Variants in CENPW observed in about 807,000 individuals in gnomAD.
The protein encoded by CENPW is cancer-up-regulated gene 2 protein.
In CENPW, 3 loss-of-function variants were observed where a neutral mutation model predicts 11.1. The observed-to-expected ratio is 0.27, with a 90% CI of 0.12 to 0.70. The LOEUF is 0.70. Among genes scored for constraint, CENPW ranks in the 30% least tolerant of loss-of-function variants. The probability of loss-of-function intolerance (pLI) is 0.77; values close to 1 mark genes in which losing one functional copy is unlikely to be tolerated. For missense variants in CENPW, 100 were observed against 105.6 expected, an observed-to-expected ratio of 0.95 and a Z score of 0.23; for synonymous variants, 38 against 42.0, an observed-to-expected ratio of 0.91 and a Z score of 0.37.
At chr6:126,470,678 C>T in the CENPW span, among the ~76,000 whole-genome samples, 5 of 152,322 alleles carry the variant, frequency 3.3e-5, no homozygotes, top group African/African-American at 4.8e-5. Context: ...AAAGCAGCCA[C>T]GGGGGCTGTG....
chr6:126,417,587 A>G, the CENPW span, among the ~76,000 whole-genome samples: 1 of 152,174 alleles, frequency 6.6e-6, no homozygotes, highest in Non-Finnish European at 1.5e-5. Context: ...TTCTTATGAT[A>G]GTGAATAAGT....
chr6:126,341,784 C>G (rs1178005756), intron 1 of CENPW, among the ~76,000 whole-genome samples: 1 of 152,148 alleles, frequency 6.6e-6, no homozygotes, highest in Non-Finnish European at 1.5e-5. Context: ...TCAAAGATAT[C>G]CAAGAGACCA....
chr6:126,389,002 A>G, the CENPW span, among the ~76,000 whole-genome samples: 1 of 151,964 alleles, frequency 6.6e-6, no homozygotes, highest in South Asian at 2.1e-4. Flanking sequence ...GAGGATAAGT[A>G]GTCAATGAAA....
At chr6:126,356,896 G>A in the CENPW span, among the ~76,000 whole-genome samples, 1 of 152,100 alleles carries the variant, frequency 6.6e-6, no homozygotes, top group South Asian at 2.1e-4. Context: ...TAGGTTGTCT[G>A]TTTACTCTGT....
At chr6:126,403,455 G>A in the CENPW span, among the ~76,000 whole-genome samples, 1 of 152,076 alleles carries the variant, frequency 6.6e-6, no homozygotes, top group Admixed American at 6.6e-5. Flanking sequence ...TTGCTGATAT[G>A]CAGAAAATTT....
chr6:126,443,730 A>G, the CENPW span, among the ~76,000 whole-genome samples: 1 of 151,106 alleles, frequency 6.6e-6, no homozygotes, highest in Admixed American at 6.6e-5. Context: ...TGCATTTATT[A>G]TTTAATCTTG....
chr6:126,459,205 G>A, the CENPW span, among the ~76,000 whole-genome samples: 2 of 151,006 alleles, frequency 1.3e-5, no homozygotes, highest in Non-Finnish European at 3.0e-5. Context: ...TCTCCATTCC[G>A]ATTTTTGATC....
At chr6:126,353,894 A>G in the CENPW span, among the ~76,000 whole-genome samples, 1 of 151,962 alleles carries the variant, frequency 6.6e-6, no homozygotes, top group Non-Finnish European at 1.5e-5. Context: ...ATTTCAGATC[A>G]TGTGTATGTG....
the CENPW span, among the ~76,000 whole-genome samples, chr6:126,424,150 C>G: frequency 1.3e-5 from 2 of 152,110 alleles, no homozygotes; most frequent in Non-Finnish European, 2.9e-5. Flanking sequence ...CTCAAAAACA[C>G]TGACTAAATA....
At chr6:126,344,324 A>G (rs970890698) in intron 1 of CENPW, among the ~76,000 whole-genome samples, 1 of 152,220 alleles carries the variant, frequency 6.6e-6, no homozygotes, top group Non-Finnish European at 1.5e-5. Context: ...TAGGATGCCT[A>G]GAGGCAAGGT....
the CENPW span, among the ~76,000 whole-genome samples, chr6:126,465,167 A>G: frequency 6.6e-6 from 1 of 152,118 alleles, no homozygotes; most frequent in Non-Finnish European, 1.5e-5. Flanking sequence ...ATAAGACACA[A>G]AGTCAATATA....
At chr6:126,364,679 CTG>C in the CENPW span, among the ~76,000 whole-genome samples, 1 of 152,078 alleles carries the variant, frequency 6.6e-6, no homozygotes. Flanking sequence ...AGAAACAACT[CTG>C]TTGTGAATGA....
rs144210209 is a variant in CENPW, at chr6:126,345,934, G to A, written c.127-271G>A. 8.0e-3 allele frequency among the ~76,000 whole-genome samples: 1,211 copies of A among 152,174 alleles called. 8 individuals are homozygous for A. Among genetic ancestry groups the A allele is most frequent in the Non-Finnish European group, 0.014 (947 of 67,996 alleles). On this transcript the variant is annotated intron_variant, in intron 1 of 2. Transcript: ENST00000368328. ...TTGTTACTAAGCGAATCTTACATACGTTTTGATATGTAATGATGCTTTACA... is the reference window on the plus strand; with the variant it reads ...TTGTTACTAAGCGAATCTTACATACATTTTGATATGTAATGATGCTTTACA...
the CENPW span, among the ~76,000 whole-genome samples, chr6:126,408,711 G>T: frequency 2.0e-4 from 31 of 152,150 alleles, no homozygotes; most frequent in African/African-American, 7.5e-4. Context: ...ATATTGTTAG[G>T]TTGTATACGT....
chr6:126,471,254 C>A, the CENPW span, among the ~76,000 whole-genome samples: 1 of 152,050 alleles, frequency 6.6e-6, no homozygotes, highest in South Asian at 2.1e-4. Flanking sequence ...TGAGGTAGTT[C>A]TCATGAGATC....
the CENPW span, among the ~76,000 whole-genome samples, chr6:126,371,376 G>A: frequency 1.3e-5 from 2 of 152,012 alleles, no homozygotes; most frequent in Admixed American, 6.6e-5. Context: ...TTCTGTTTAT[G>A]TGTTGCATCA....
At chr6:126,400,803 A>G in the CENPW span, among the ~76,000 whole-genome samples, 1 of 151,928 alleles carries the variant, frequency 6.6e-6, no homozygotes, top group Non-Finnish European at 1.5e-5. Context: ...TTCCTCACCT[A>G]TGTCACATCT....
At chr6:126,364,787 AAG>A in the CENPW span, among the ~76,000 whole-genome samples, 5 of 152,236 alleles carry the variant, frequency 3.3e-5, no homozygotes, top group Non-Finnish European at 7.3e-5. Context: ...TATATGAAGA[AAG>A]AGAATTACTG....
At chr6:126,386,468 C>G in the CENPW span, among the ~76,000 whole-genome samples, 5 of 151,940 alleles carry the variant, frequency 3.3e-5, no homozygotes, top group South Asian at 2.1e-4. Context: ...ATATCAGTCT[C>G]CTTGCTTGGA....
Sources: gnomAD v4.1 joint callset for allele counts (sites outside exome capture counted in the v4.1 genomes callset) on GRCh38, gnomAD v4.1.1 for gene constraint, MANE v1.5 for transcripts, NCBI Gene and HGNC (gene_info 2026-07-23, HGNC 2026-07-21) for gene names.